Variants in FGF14 observed in about 807,000 individuals in gnomAD.
FGF14 encodes fibroblast growth factor 14.
A neutral mutation model predicts 25.5 loss-of-function variants in FGF14; 5 were observed. That is an observed-to-expected ratio of 0.20 (90% confidence interval 0.10 to 0.41). The LOEUF (loss-of-function observed/expected upper bound fraction) is 0.41. Ranked by LOEUF, FGF14 falls within the 10% of genes least tolerant of loss-of-function variation. The pLI, the probability that FGF14 is intolerant of heterozygous loss-of-function variation, is 1.00. For synonymous variants in FGF14, 138 were observed against 118.3 expected (o/e 1.17, Z -1.08); for missense variants, 222 against 320.1 (o/e 0.69, Z 2.34).
At chr13:101,751,153 T>C (rs769877096) in intron 3 of FGF14, among the ~76,000 whole-genome samples, 3 of 152,108 alleles carry the variant, frequency 2.0e-5, no homozygotes, top group Admixed American at 6.6e-5. Flanking sequence ...ACAAAACCCA[T>C]AGAATGTACA....
chr13:101,957,107 C>T (rs983962872), intron 1 of FGF14, among the ~76,000 whole-genome samples: 1 of 152,076 alleles, frequency 6.6e-6, no homozygotes, highest in Non-Finnish European at 1.5e-5. Flanking sequence ...CAAGGAGGGC[C>T]TATCTTCCCA....
intron 1 of FGF14, among the ~76,000 whole-genome samples, chr13:101,959,080 T>C (rs1021502740): frequency 6.6e-6 from 1 of 152,176 alleles, no homozygotes; most frequent in African/African-American, 2.4e-5. Context: ...TCAGGATGAC[T>C]GTTTCACTGC....
intron 1 of FGF14, among the ~76,000 whole-genome samples, chr13:102,348,577 G>A (rs1367238625): frequency 3.9e-5 from 6 of 152,300 alleles, no homozygotes; most frequent in South Asian, 2.1e-4. Context: ...AAAGATAATC[G>A]AGAAAAGTCT....
chr13:102,147,785 C>A (rs756816954), intron 1 of FGF14, among the ~76,000 whole-genome samples: 1 of 152,148 alleles, frequency 6.6e-6, no homozygotes, highest in Non-Finnish European at 1.5e-5. Flanking sequence ...AGTTAATTTA[C>A]CTTCCTGTCA....
chr13:102,201,447 A>G (rs80139251), intron 1 of FGF14, among the ~76,000 whole-genome samples: 2,949 of 152,250 alleles, frequency 0.019, 81 homozygotes, highest in African/African-American at 0.067. Context: ...ACCCTCCAAA[A>G]TGATTATAAA....
chr13:102,127,068 C>A (rs906216336), intron 1 of FGF14, among the ~76,000 whole-genome samples: 1 of 152,156 alleles, frequency 6.6e-6, no homozygotes, highest in Non-Finnish European at 1.5e-5. Context: ...TTGCCCAGCT[C>A]TTCCATTGCA....
chr13:102,385,784 G>A (rs2139199707), intron 1 of FGF14, among the ~76,000 whole-genome samples: 1 of 152,168 alleles, frequency 6.6e-6, no homozygotes, highest in Non-Finnish European at 1.5e-5. Context: ...TTTGTCCCAA[G>A]CTAAATGTCT....
In FGF14 at chr13:102,310,391, G is replaced by A. The variant is rs552484356; in HGVS notation, c.208+91080C>T. 6.4e-4 allele frequency among the ~76,000 whole-genome samples: 97 copies of A among 152,146 alleles called. 2 individuals carry two copies. In the South Asian group the frequency reaches 0.011, roughly 17 times the overall value. On this transcript the variant is annotated intron_variant, in intron 1 of 4. Coordinates refer to the FGF14 transcript ENST00000376131. ...AGAAATCCTAACAGGCAGAATTCCC[G>A]AATTTTAAAAATAGAAGTGACCTTG... is the stretch of plus-strand genomic sequence containing the variant.
At chr13:102,299,004 G>A (rs2054881706) in intron 1 of FGF14, among the ~76,000 whole-genome samples, 1 of 152,084 alleles carries the variant, frequency 6.6e-6, no homozygotes, top group African/African-American at 2.4e-5. Context: ...TTTATGCTGA[G>A]AGCAAGATCA....
intron 1 of FGF14, among the ~76,000 whole-genome samples, chr13:102,029,062 T>C (rs1323770738): frequency 1.3e-5 from 2 of 152,054 alleles, no homozygotes; most frequent in South Asian, 4.1e-4. Flanking sequence ...ATACAAACAA[T>C]GGTGACAGGA....
chr13:101,798,138 A>G (rs1201302173), intron 3 of FGF14, among the ~76,000 whole-genome samples: 1 of 152,134 alleles, frequency 6.6e-6, no homozygotes, highest in African/African-American at 2.4e-5. Context: ...AATAAAAGAA[A>G]AAAGCTGACT....
intron 3 of FGF14, among the ~76,000 whole-genome samples, chr13:101,784,224 T>C (rs961216328): frequency 2.0e-5 from 3 of 152,218 alleles, no homozygotes; most frequent in African/African-American, 7.2e-5. Context: ...TTGAACATCA[T>C]AGCTTAGAAG....
At chr13:102,274,552 CAAG>C (rs1447340368) in intron 1 of FGF14, among the ~76,000 whole-genome samples, 2 of 152,054 alleles carry the variant, frequency 1.3e-5, no homozygotes, top group Non-Finnish European at 2.9e-5. Context: ...GATGAATAAA[CAAG>C]AAGAATGAAA....
intron 1 of FGF14, among the ~76,000 whole-genome samples, chr13:102,176,524 A>G (rs1201159118): frequency 6.6e-6 from 1 of 152,160 alleles, no homozygotes; most frequent in Non-Finnish European, 1.5e-5. Flanking sequence ...ACCATTACAC[A>G]ATACATCCAT....
intron 1 of FGF14, among the ~76,000 whole-genome samples, chr13:102,111,082 G>T (rs963515841): frequency 6.6e-6 from 1 of 151,970 alleles, no homozygotes; most frequent in Non-Finnish European, 1.5e-5. Flanking sequence ...GCCCACCCCT[G>T]CTTCAGGTTG....
intron 1 of FGF14, among the ~76,000 whole-genome samples, chr13:101,965,465 A>C (rs1192381085): frequency 1.3e-5 from 2 of 152,146 alleles, no homozygotes; most frequent in Non-Finnish European, 2.9e-5. Context: ...AAATATAAAA[A>C]AAATTCTTAT....
intron 1 of FGF14, among the ~76,000 whole-genome samples, chr13:102,324,638 A>G (rs1199115457): frequency 6.6e-6 from 1 of 152,152 alleles, no homozygotes; most frequent in Non-Finnish European, 1.5e-5. Flanking sequence ...ATGGGAGGAT[A>G]ATTATCACCG....
intron 3 of FGF14, among the ~76,000 whole-genome samples, chr13:101,774,605 A>AGTGGAAAT (rs1201383293): frequency 6.6e-6 from 1 of 152,128 alleles, no homozygotes; most frequent in African/African-American, 2.4e-5. Context: ...TGTCATCACT[A>AGTGGAAAT]GTGGAAATGT....
chr13:102,089,864 C>G (rs528115557), intron 1 of FGF14, among the ~76,000 whole-genome samples: 101 of 152,288 alleles, frequency 6.6e-4, no homozygotes, highest in Admixed American at 1.2e-3. Context: ...TTCTTTTCTG[C>G]ACTGTGTAGC....
Sources: allele counts gnomAD v4.1 joint callset (sites outside exome capture counted in the v4.1 genomes callset), GRCh38; gene constraint gnomAD v4.1.1; transcripts MANE v1.5; gene names NCBI Gene and HGNC (gene_info 2026-07-23, HGNC 2026-07-21).